ANGPTL1: variants seen among roughly 807,000 people sequenced by gnomAD.
The protein encoded by ANGPTL1 is angiopoietin-related protein 1.
Under a neutral mutation model 46.7 loss-of-function variants are expected in ANGPTL1, and 36 were observed. The ratio of observed to expected loss-of-function variants is 0.77; its 90% CI spans 0.59 to 1.02. The LOEUF (loss-of-function observed/expected upper bound fraction) is 1.02. Ranked by LOEUF, ANGPTL1 falls within the 50% of genes least tolerant of loss-of-function variation. The pLI, the probability that ANGPTL1 is intolerant of heterozygous loss-of-function variation, is 0.00. For missense variants in ANGPTL1, 571 were observed against 594.7 expected (o/e 0.96, Z 0.41); for synonymous variants, 221 against 204.3 (o/e 1.08, Z -0.69).
At chr1:178,859,837 C>T (rs1292910842) in intron 3 of ANGPTL1, among the ~76,000 whole-genome samples, 1 of 133,374 alleles carries the variant, frequency 7.5e-6, no homozygotes, top group Non-Finnish European at 1.6e-5. Context: ...CCCCCCCAAC[C>T]GCCCAAGTAG....
At chr1:178,855,938 A>G (rs1657505591) in intron 3 of ANGPTL1, among the ~76,000 whole-genome samples, 1 of 149,090 alleles carries the variant, frequency 6.7e-6, no homozygotes, top group African/African-American at 2.4e-5. Flanking sequence ...TTGAATATAT[A>G]TACATTTTAT....
rs1440453626 is a variant in ANGPTL1, at chr1:178,852,762, C to T, written c.1209G>A (p.Gln403=). 4.3e-6 allele frequency: 7 copies of T among 1,613,790 alleles called. No homozygotes were observed. The South Asian group carries it at 7.7e-5, about 18-fold the overall frequency. Residue 403 remains glutamine (Q), a synonymous_variant, in exon 5 of 6, where the codon CAG becomes CAA. Coordinates refer to ENST00000234816, the MANE Select transcript of ANGPTL1 (RefSeq NM_004673.4). ...EFYRLRLGTY[Q]GNAGDSMMWH... is the part of the protein sequence containing the mutation. ...ACATCATAGAATCCCCTGCATTTCC[C>T]TGGTAAGTTCCCAGGCGCAGTCTAT...
intron 2 of ANGPTL1, among the ~76,000 whole-genome samples, chr1:178,867,511 T>C (rs534349789): frequency 4.1e-4 from 62 of 152,208 alleles, no homozygotes; most frequent in Non-Finnish European, 7.5e-4. Flanking sequence ...ATCACTCAAA[T>C]GGGATTCAAA....
chr1:178,863,192 G>A (rs527969110), intron 3 of ANGPTL1, among the ~76,000 whole-genome samples: 1 of 152,260 alleles, frequency 6.6e-6, no homozygotes, highest in South Asian at 2.1e-4. Context: ...TGAGGGACAT[G>A]CACACAAGAG....
chr1:178,849,936 G>T lies in ANGPTL1; in HGVS notation c.*1193C>A, dbSNP rs1426764372. ...ATTTTAACTTCACAAATATATTAAG[G>T]CAAGGTCACCTCTAAGCAGTGAATA... On this transcript the variant is annotated 3_prime_UTR_variant, in exon 6 of 6. Transcript: ENST00000234816. The T allele has an allele frequency of 2.0e-5, 3 of 152,282 alleles. No homozygotes were observed. Among genetic ancestry groups the T allele is most frequent in the Admixed American group, 1.3e-4 (2 of 15,272 alleles). 9.4% of individuals were successfully genotyped at this position (152,282 alleles called of 1,614,324 possible). A position where few individuals can be genotyped will look rare whatever the true frequency, so the allele number is the denominator to read the frequency against.
chr1:178,858,043 C>T (rs1019974205), intron 3 of ANGPTL1, among the ~76,000 whole-genome samples: 21 of 152,094 alleles, frequency 1.4e-4, no homozygotes, highest in Non-Finnish European at 2.6e-4. Context: ...TTTGTGTTTA[C>T]AGTTGGATAT....
intron 4 of ANGPTL1, chr1:178,853,216 A>T (rs1358627901): frequency 1.0e-6 from 1 of 985,176 alleles, no homozygotes. Flanking sequence ...GCAAATGAGA[A>T]TAAAATTTAT....
Position 178,850,828 on chromosome 1 carries a change from T to TC in ANGPTL1, c.*300_*301insG, listed in dbSNP as rs1657123277. ...TATCTTGAACATGTTATTTATGATT[T>TC]AAAATATAGCTAAGATTTGCTTTAC... is the stretch of plus-strand genomic sequence containing the variant. On this transcript the variant is annotated 3_prime_UTR_variant, in exon 6 of 6. Transcript: ENST00000234816. The TC allele has an allele frequency of 4.7e-6, 1 of 212,214 alleles. No homozygotes were observed. Among genetic ancestry groups the TC allele is most frequent in the African/African-American group, 2.3e-5 (1 of 43,770 alleles). The allele number at this position is 212,214 out of a possible 1,614,324, so 13.1% of individuals were successfully genotyped here.
intron 3 of ANGPTL1, among the ~76,000 whole-genome samples, chr1:178,858,982 G>A (rs1248614562): frequency 6.6e-6 from 1 of 152,186 alleles, no homozygotes; most frequent in African/African-American, 2.4e-5. Context: ...AAACTTTTCA[G>A]TTGGGTTGTG....
At position 178,865,676 on chromosome 1, in the gene ANGPTL1, C is replaced by T; in HGVS notation, c.101G>A (p.Arg34Lys). The T allele has an allele frequency of 6.2e-7, 1 of 1,614,010 alleles. No homozygotes were observed. Among genetic ancestry groups the T allele is most frequent in the Non-Finnish European group, 8.5e-7 (1 of 1,179,950 alleles). Residue 34 changes from arginine to lysine, a missense_variant, in exon 3 of 6, where the codon AGA becomes AAA. Coordinates refer to ENST00000234816, the MANE Select transcript of ANGPTL1 (RefSeq NM_004673.4). ...ACCATCTGTGGCACGAGGGTATCTT[C>T]TCTGGTTTATTTTTTTAATTTTGAA... The part of the protein sequence containing the change: ...GQFKIKKINQ[R>K]RYPRATDGKE...
intron 2 of ANGPTL1, among the ~76,000 whole-genome samples, chr1:178,867,990 A>AATT (rs1225866433): frequency 6.6e-6 from 1 of 151,968 alleles, no homozygotes; most frequent in African/African-American, 2.4e-5. Flanking sequence ...GAGTATGGAG[A>AATT]ATTATTATTA....
In ANGPTL1 at chr1:178,853,773, A is replaced by G; in HGVS notation, c.838T>C (p.Cys280Arg). 1 of 1,603,852 alleles carries G rather than the reference A, an allele frequency of 6.2e-7. No individual in the cohort carries two copies. Among genetic ancestry groups the G allele is most frequent in the Non-Finnish European group, 8.5e-7 (1 of 1,176,372 alleles). The change falls in exon 4 of 6, where the codon TGT becomes CGT. Residue 280 changes from cysteine to arginine, a missense_variant. Physicochemically the swap from Cys to Arg is radical, Grantham distance 180. Coordinates refer to ENST00000234816, the MANE Select transcript of ANGPTL1 (RefSeq NM_004673.4). The stretch of plus-strand genomic sequence containing the variant: ...TGCCCAGCTTCTTTTGCTTGCTGAC[A>G]GTCTTTGAATGGTCCTATAATTTAA... The part of the protein sequence containing the change: ...TFINEGPFKD[C>R]QQAKEAGHSV...
At position 178,865,510 on chromosome 1, in the gene ANGPTL1, C is replaced by T. The variant is rs766986212; in HGVS notation, c.267G>A (p.Lys89=). The change falls in exon 3 of 6, where the codon AAG becomes AAA. Residue 89 remains lysine, a synonymous_variant. Coordinates refer to ENST00000234816, the MANE Select transcript of ANGPTL1 (RefSeq NM_004673.4). The part of the protein sequence containing the change: ...MITRMDLENL[K]DVLSRQKREI... ...CCCGCTTCTGCCTGGAGAGCACATC[C>T]TTCAGGTTTTCAAGGTCCATCCTGG... The T allele has an allele frequency of 5.0e-6, 8 of 1,614,060 alleles. No individual in the cohort carries two copies. The highest frequency in any genetic ancestry group is 5.9e-6 in the Non-Finnish European group (7 of 1,179,984).
chr1:178,853,574 G>T lies in ANGPTL1; in HGVS notation c.1017+20C>A. 4 of 1,557,718 alleles carry T rather than the reference G, an allele frequency of 2.6e-6. No homozygotes were observed. Among genetic ancestry groups the T allele is most frequent in the Admixed American group, 2.0e-5 (1 of 50,678 alleles). On this transcript the variant is annotated intron_variant, in intron 4 of 5. Transcript: ENST00000234816. ...GAATGGATTTGTTTTACTTCCCTTAGGTCTGCATCACTGATTTACCTTATA... is the reference window on the plus strand; with the variant it reads ...GAATGGATTTGTTTTACTTCCCTTATGTCTGCATCACTGATTTACCTTATA...
At chr1:178,870,628 G>A (rs1435337944) in intron 1 of ANGPTL1, 113 bp downstream of exon 1, 1 of 152,092 alleles carries the variant, frequency 6.6e-6, no homozygotes. Context: ...ATAAACTGTA[G>A]TATATTCCAA....
chr1:178,866,771 T>C (rs2102340392), intron 2 of ANGPTL1, among the ~76,000 whole-genome samples: 1 of 152,290 alleles, frequency 6.6e-6, no homozygotes, highest in African/African-American at 2.4e-5. Context: ...CCATAGTCAG[T>C]ATTTATAGAA....
Position 178,855,578 on chromosome 1 carries a change from T to C in ANGPTL1, c.824-1791A>G, listed in dbSNP as rs140339474. The stretch of plus-strand genomic sequence containing the variant: ...TATTTATGGTGTCTTTCCTGCGTTA[T>C]ATTTATTTTAGGTATTGTATTTTTT... On this transcript the variant is annotated intron_variant, in intron 3 of 5. Coordinates refer to ENST00000234816, the MANE Select transcript of ANGPTL1 (RefSeq NM_004673.4). Among the ~76,000 whole-genome samples, 5 of 152,092 alleles carry C rather than the reference T, an allele frequency of 3.3e-5. No individual in the cohort carries two copies. The East Asian group carries it at 9.6e-4, about 29-fold the overall frequency.
intron 4 of ANGPTL1, 158 bp from the exon 5 acceptor site, chr1:178,853,111 C>T: frequency 1.0e-6 from 1 of 985,360 alleles, no homozygotes; most frequent in Non-Finnish European, 1.2e-6. Flanking sequence ...TTATAAGCCA[C>T]ACATTGTCAT....
intron 2 of ANGPTL1, 111 bp from the exon 3 acceptor site, chr1:178,865,913 G>A: frequency 1.6e-6 from 1 of 618,474 alleles, no homozygotes; most frequent in Non-Finnish European, 2.7e-6. Flanking sequence ...ATATTTATTG[G>A]TGTTAATAGA....
Sources: allele counts gnomAD v4.1 joint callset (sites outside exome capture counted in the v4.1 genomes callset), GRCh38; gene constraint gnomAD v4.1.1; transcripts MANE v1.5; gene names NCBI Gene and HGNC (gene_info 2026-07-23, HGNC 2026-07-21).